The following C1QTNF7 variants were observed in gnomAD, a reference collection of about 807,000 sequenced individuals.
The protein encoded by C1QTNF7 is complement C1q tumor necrosis factor-related protein 7.
In C1QTNF7, 15 loss-of-function variants were observed where a neutral mutation model predicts 19.6. The observed-to-expected ratio is 0.76, with a 90% CI of 0.51 to 1.18. C1QTNF7 has a LOEUF of 1.18. C1QTNF7 is among the 50% of genes most tolerant of loss of function. The probability of loss-of-function intolerance (pLI) is 0.00; values close to 1 mark genes in which losing one functional copy is unlikely to be tolerated. For missense variants in C1QTNF7, 324 were observed against 359.7 expected, an observed-to-expected ratio of 0.90 and a Z score of 0.80; for synonymous variants, 142 against 137.5, an observed-to-expected ratio of 1.03 and a Z score of -0.23.
At chr4:15,406,816 T>C (rs1719210684) in intron 1 of C1QTNF7, among the ~76,000 whole-genome samples, 1 of 152,162 alleles carries the variant, frequency 6.6e-6, no homozygotes, top group South Asian at 2.1e-4. Flanking sequence ...TTATTAAATC[T>C]TTAAAGGGGG....
chr4:15,369,172 G>A (rs752495468), intron 1 of C1QTNF7, among the ~76,000 whole-genome samples: 6 of 152,134 alleles, frequency 3.9e-5, no homozygotes, highest in African/African-American at 7.2e-5. Context: ...AGGATGAGAA[G>A]GGAAAGAAAC....
chr4:15,359,492 T>C (rs183380048), intron 1 of C1QTNF7, among the ~76,000 whole-genome samples: 1 of 152,246 alleles, frequency 6.6e-6, no homozygotes, highest in African/African-American at 2.4e-5. Context: ...TAGAACTCTC[T>C]AGGGCTTTGT....
At chr4:15,380,916 C>A (rs959350364) in intron 1 of C1QTNF7, among the ~76,000 whole-genome samples, 1 of 151,574 alleles carries the variant, frequency 6.6e-6, no homozygotes, top group Non-Finnish European at 1.5e-5. Context: ...GCCTGGGCAA[C>A]AGAGTGAGAC....
intron 1 of C1QTNF7, among the ~76,000 whole-genome samples, chr4:15,380,987 G>T (rs1435448684): frequency 6.6e-6 from 1 of 151,892 alleles, no homozygotes; most frequent in Non-Finnish European, 1.5e-5. Flanking sequence ...AATTGGGTTG[G>T]GTCTTGAGTG....
intron 1 of C1QTNF7, among the ~76,000 whole-genome samples, chr4:15,395,232 C>T (rs559583790): frequency 6.6e-6 from 1 of 151,866 alleles, no homozygotes; most frequent in East Asian, 2.0e-4. Flanking sequence ...AGGGACTGTC[C>T]CTAGTTGTCT....
chr4:15,396,752 T>C (rs1718800276), intron 1 of C1QTNF7, among the ~76,000 whole-genome samples: 1 of 152,120 alleles, frequency 6.6e-6, no homozygotes, highest in Non-Finnish European at 1.5e-5. Context: ...GGAGAGGCTG[T>C]GTCTTCACTG....
At chr4:15,409,336 G>A (rs775273917) in intron 1 of C1QTNF7, among the ~76,000 whole-genome samples, 1 of 152,148 alleles carries the variant, frequency 6.6e-6, no homozygotes, top group Non-Finnish European at 1.5e-5. Context: ...TGGGAAGCTT[G>A]TTAAAAATCG....
At chr4:15,352,679 G>A (rs1304460107) in intron 1 of C1QTNF7, among the ~76,000 whole-genome samples, 1 of 152,204 alleles carries the variant, frequency 6.6e-6, no homozygotes, top group East Asian at 1.9e-4. Context: ...GCTCATAACT[G>A]ACATGAATCA....
Position 15,428,394 on chromosome 4 carries a change from A to G in C1QTNF7, c.-9+288A>G, listed in dbSNP as rs561294900. ...GGATATAAAATGTTTTGCAAATGTC[A>G]GGGTTTTTTTTAATCACTGTGCCAT... On this transcript the variant is annotated intron_variant, in intron 1 of 2. Transcript: ENST00000444304. Among the ~76,000 whole-genome samples, 73 of 152,278 alleles carry G rather than the reference A, an allele frequency of 4.8e-4. 1 individual carries two copies. The highest frequency in any genetic ancestry group is 1.7e-3 in the African/African-American group (71 of 41,574).
At chr4:15,345,732 G>A (rs1235800321) in intron 1 of C1QTNF7, among the ~76,000 whole-genome samples, 1 of 152,212 alleles carries the variant, frequency 6.6e-6, no homozygotes, top group Non-Finnish European at 1.5e-5. Flanking sequence ...GCCAACAGAT[G>A]ATAAAACAGC....
At chr4:15,427,207 G>T (rs1445334989), upstream of C1QTNF7, among the ~76,000 whole-genome samples, 1 of 152,142 alleles carries the variant, frequency 6.6e-6, no homozygotes, top group Non-Finnish European at 1.5e-5. Flanking sequence ...TTCAATTAGA[G>T]TTCTCATTGC....
chr4:15,422,210 T>A (rs34497471), intron 1 of C1QTNF7, among the ~76,000 whole-genome samples: 6,435 of 142,828 alleles, frequency 0.045, 175 homozygotes, highest in African/African-American at 0.056. Flanking sequence ...TGTTTTTTTT[T>A]AAAAAAAAAA....
At chr4:15,398,212 G>A (rs747513661) in intron 1 of C1QTNF7, among the ~76,000 whole-genome samples, 1 of 152,174 alleles carries the variant, frequency 6.6e-6, no homozygotes, top group Non-Finnish European at 1.5e-5. Flanking sequence ...AGGCCATAGC[G>A]ATGACAGCAA....
At chr4:15,432,545 G>A (rs970537454) in intron 1 of C1QTNF7, among the ~76,000 whole-genome samples, 2 of 152,132 alleles carry the variant, frequency 1.3e-5, no homozygotes, top group South Asian at 2.1e-4. Flanking sequence ...ACAGGTGCAC[G>A]CCACCATGCA....
At chr4:15,348,165 T>C (rs533219453) in intron 1 of C1QTNF7, among the ~76,000 whole-genome samples, 5 of 152,234 alleles carry the variant, frequency 3.3e-5, no homozygotes, top group Non-Finnish European at 5.9e-5. Flanking sequence ...CCTGGACAAA[T>C]TGATATCCAG....
rs115546139 is a variant in C1QTNF7 at position 15,435,617 on chromosome 4, C to T, written c.-8-119C>T. On this transcript the variant is annotated intron_variant, in intron 1 of 2. Coordinates refer to ENST00000444304, the MANE Select transcript of C1QTNF7 (RefSeq NM_031911.5). ...ACAGTGTTTTACATGTCTGGAAAGA[C>T]GAACACTGGAGTGATTTGTTGCAAA... 7.0e-4 allele frequency: 979 copies of T among 1,396,218 alleles called. 4 individuals carry two copies. In the African/African-American group the frequency reaches 0.012, roughly 17 times the overall value. The allele number at this position is 1,396,218 out of a possible 1,614,324, so 86.5% of individuals were successfully genotyped here.
chr4:15,386,020 T>C (rs1718323548), intron 1 of C1QTNF7, among the ~76,000 whole-genome samples: 1 of 152,226 alleles, frequency 6.6e-6, no homozygotes, highest in Non-Finnish European at 1.5e-5. Flanking sequence ...TACCAGACTG[T>C]TATGCTCAAA....
chr4:15,395,586 G>A (rs1413438719), intron 1 of C1QTNF7, among the ~76,000 whole-genome samples: 5 of 152,158 alleles, frequency 3.3e-5, no homozygotes, highest in Non-Finnish European at 2.9e-5. Context: ...ACTCAGACTC[G>A]TAACTCAGAC....
chr4:15,389,921 C>T (rs982842649), intron 1 of C1QTNF7, among the ~76,000 whole-genome samples: 2 of 152,180 alleles, frequency 1.3e-5, no homozygotes, highest in African/African-American at 4.8e-5. Flanking sequence ...GTGTTAAAGA[C>T]TTCTTCATTA....
Sources: gnomAD v4.1 joint callset for allele counts (sites outside exome capture counted in the v4.1 genomes callset) on GRCh38, gnomAD v4.1.1 for gene constraint, MANE v1.5 for transcripts, NCBI Gene and HGNC (gene_info 2026-07-23, HGNC 2026-07-21) for gene names.